HIPK2: variants seen among roughly 807,000 people sequenced by gnomAD.
HIPK2 encodes the protein homeodomain interacting protein kinase 2, also known as homeodomain-interacting protein kinase 2.
HIPK2 carries 27 observed loss-of-function variants against 113.7 expected under a neutral mutation model. The ratio of observed to expected loss-of-function variants is 0.24; its 90% CI spans 0.17 to 0.33. HIPK2 has a LOEUF of 0.33. HIPK2 is among the 10% of genes least tolerant of loss of function. HIPK2 has a pLI of 1.00. For missense variants in HIPK2, 1,257 were observed against 1,588.0 expected, an observed-to-expected ratio of 0.79 and a Z score of 3.54; for synonymous variants, 631 against 642.2, an observed-to-expected ratio of 0.98 and a Z score of 0.26.
At chr7:139,602,376 T>C (rs956636836) in intron 10 of HIPK2, among the ~76,000 whole-genome samples, 4 of 152,176 alleles carry the variant, frequency 2.6e-5, no homozygotes, top group Admixed American at 2.6e-4. Flanking sequence ...CAATAATAGA[T>C]GTTCTTTGGC....
Position 139,631,012 on chromosome 7 carries a change from G to T in HIPK2, c.1347+153C>A. ...TAGGCCAAGGGAAAGAGGGGCTTCT[G>T]AGCATTCAGATTCAGCCATACCATG... On this transcript the variant is annotated intron_variant, in intron 4 of 14. Transcript: ENST00000406875. This position sits in a 1 kb window ranked among gnomAD's most constrained non-coding sequence, Gnocchi z 4.9. 1 of 591,462 alleles carries T rather than the reference G, an allele frequency of 1.7e-6. No individual in the cohort carries two copies. Among genetic ancestry groups the T allele is most frequent in the Non-Finnish European group, 2.1e-6 (1 of 470,204 alleles). The allele number at this position is 591,462 out of a possible 1,614,324, so 36.6% of individuals were successfully genotyped here.
At position 139,653,098 on chromosome 7, in the gene HIPK2, C is replaced by G. The variant is rs1247260619; in HGVS notation, c.1104-21373G>C. ...AGGTTGCAGTGAGCCGAGATCACGC[C>G]ACTGCTACTCCAGCCTGGGTGACAG... On this transcript the variant is annotated intron_variant, in intron 2 of 14. Coordinates refer to ENST00000406875, the MANE Select transcript of HIPK2 (RefSeq NM_022740.5). 1.9e-4 allele frequency among the ~76,000 whole-genome samples: 8 copies of G among 41,754 alleles called. No homozygotes were observed. In the East Asian group the frequency reaches 2.4e-3, roughly 13 times the overall value. The allele number at this position is 41,754 out of a possible 152,430, so 27.4% of individuals were successfully genotyped here.
intron 1 of HIPK2, among the ~76,000 whole-genome samples, chr7:139,754,918 G>T (rs1244784116): frequency 6.6e-6 from 1 of 152,144 alleles, no homozygotes; most frequent in East Asian, 1.9e-4. Context: ...TCTGACTACA[G>T]CCTGGATGGT....
At position 139,588,545 on chromosome 7, in the gene HIPK2, A is replaced by G. The variant is rs549738562; in HGVS notation, c.2718-4481T>C. On this transcript the variant is annotated intron_variant, in intron 12 of 14. Coordinates refer to ENST00000406875, the MANE Select transcript of HIPK2 (RefSeq NM_022740.5). Reference sequence around the variant, plus strand: ...AAAAAAAAAAGATTGCTGTCTACCAATAACAACAAAAAAGAATATCTCGAA... The same window carrying G: ...AAAAAAAAAAGATTGCTGTCTACCAGTAACAACAAAAAAGAATATCTCGAA... 2.6e-5 allele frequency among the ~76,000 whole-genome samples: 4 copies of G among 152,092 alleles called. No individual in the cohort carries two copies. In the East Asian group the frequency reaches 7.7e-4, roughly 29 times the overall value.
chr7:139,699,984 C>T (rs1794662531), intron 2 of HIPK2, among the ~76,000 whole-genome samples: 1 of 152,226 alleles, frequency 6.6e-6, no homozygotes, highest in Non-Finnish European at 1.5e-5. Context: ...GTGGTGTCAG[C>T]ATCATCATTG....
intron 9 of HIPK2, among the ~76,000 whole-genome samples, chr7:139,608,081 A>G (rs1799683757): frequency 6.6e-6 from 1 of 151,892 alleles, no homozygotes; most frequent in African/African-American, 2.4e-5. Context: ...TCTACTAAAA[A>G]TACAAAAAAA....
At chr7:139,754,180 A>G (rs566417350) in intron 1 of HIPK2, among the ~76,000 whole-genome samples, 1 of 152,234 alleles carries the variant, frequency 6.6e-6, no homozygotes, top group Non-Finnish European at 1.5e-5. Flanking sequence ...TGGGAGGGCT[A>G]GAAAGAGGAG....
intron 1 of HIPK2, among the ~76,000 whole-genome samples, chr7:139,747,965 C>T (rs1796216214): frequency 3.3e-5 from 5 of 152,176 alleles, no homozygotes; most frequent in Non-Finnish European, 7.3e-5. Context: ...AGAGAGACAT[C>T]AGTACGGAAA....
Position 139,613,219 on chromosome 7 carries a change from G to C in HIPK2, c.2095C>G (p.Pro699Ala), listed in dbSNP as rs567186214. Residue 699 changes from proline to alanine, a missense_variant, in exon 9 of 15, where the codon CCA (proline) becomes GCA (alanine). By Grantham distance (27) the Pro-to-Ala change is conservative. Coordinates refer to ENST00000406875, the MANE Select transcript of HIPK2 (RefSeq NM_022740.5). The surrounding 1 kb of genome is among the most constrained non-coding windows in gnomAD (Gnocchi z 4.2). ...APGAQPLQIQ[P>A]GLLAQQAWPS... ...AGAATTACCTGGGCAAGCAGACCTG[G>C]TTGGATCTGAAGAGGCTGAGCTCCT... The C allele has an allele frequency of 6.2e-7, 1 of 1,613,878 alleles. No individual in the cohort carries two copies. Among genetic ancestry groups the C allele is most frequent in the South Asian group, 1.1e-5 (1 of 91,034 alleles).
rs1243481570 is a variant in HIPK2 at position 139,567,317 on chromosome 7, T to G, written c.*5610A>C. 1.3e-5 allele frequency: 2 copies of G among 152,074 alleles called. No individual in the cohort carries two copies. The highest frequency in any genetic ancestry group is 1.9e-4 in the East Asian group (1 of 5,184). The allele number at this position is 152,074 out of a possible 1,614,324, so 9.4% of individuals were successfully genotyped here. On this transcript the variant is annotated 3_prime_UTR_variant, in exon 15 of 15. Coordinates refer to ENST00000406875, the MANE Select transcript of HIPK2 (RefSeq NM_022740.5). ...AAGCCCACGTATTGGTATGGCACCT[T>G]GTCTCCCGATAGCAGCAGCATCGAA...
At chr7:139,744,803 C>G (rs905108306) in intron 1 of HIPK2, among the ~76,000 whole-genome samples, 1 of 152,176 alleles carries the variant, frequency 6.6e-6, no homozygotes, top group Non-Finnish European at 1.5e-5. Context: ...ACGTTCTGCT[C>G]GCTTCACCAC....
chr7:139,710,708 T>C (rs1356710752), intron 2 of HIPK2, among the ~76,000 whole-genome samples: 3 of 152,224 alleles, frequency 2.0e-5, no homozygotes, highest in Non-Finnish European at 2.9e-5. Flanking sequence ...TTTGGATCTG[T>C]GTCCCTACCC....
chr7:139,650,605 G>A (rs908155293), intron 2 of HIPK2, among the ~76,000 whole-genome samples: 2 of 152,098 alleles, frequency 1.3e-5, no homozygotes, highest in African/African-American at 4.8e-5. Context: ...CAACACCCTG[G>A]TGTGGTCTCC....
intron 2 of HIPK2, among the ~76,000 whole-genome samples, chr7:139,637,438 C>A (rs78548018): frequency 6.6e-6 from 1 of 152,208 alleles, no homozygotes; most frequent in Non-Finnish European, 1.5e-5. Context: ...GTACCTGGAG[C>A]TCCTTTGGAG....
chr7:139,746,592 CT>C (rs1375200945), intron 1 of HIPK2, among the ~76,000 whole-genome samples: 1 of 152,166 alleles, frequency 6.6e-6, no homozygotes, highest in African/African-American at 2.4e-5. Flanking sequence ...TTGATGTCCC[CT>C]GAGTCCCCAA....
intron 12 of HIPK2, among the ~76,000 whole-genome samples, chr7:139,589,865 A>G (rs1354525665): frequency 6.6e-6 from 1 of 152,256 alleles, no homozygotes; most frequent in African/African-American, 2.4e-5. Context: ...CTTAATGAGC[A>G]AATATGTACG....
chr7:139,736,363 T>C (rs1569483078), intron 1 of HIPK2, among the ~76,000 whole-genome samples: 1 of 152,182 alleles, frequency 6.6e-6, no homozygotes, highest in African/African-American at 2.4e-5. Flanking sequence ...CATGACCTGG[T>C]AGACAGAGGG....
In HIPK2 at chr7:139,662,747, G is replaced by T. The variant is rs1399292508; in HGVS notation, c.1104-31022C>A. Among the ~76,000 whole-genome samples, 3 of 151,232 alleles carry T rather than the reference G, an allele frequency of 2.0e-5. No individual in the cohort carries two copies. The South Asian group carries it at 6.2e-4, about 31-fold the overall frequency. Reference sequence around the variant, plus strand: ...CGTTACTCCTACCTCAGCCTTCAAAGTAGCTGGGATTACAGGTGCACGCCA... The same window carrying T: ...CGTTACTCCTACCTCAGCCTTCAAATTAGCTGGGATTACAGGTGCACGCCA... On this transcript the variant is annotated intron_variant, in intron 2 of 14. Coordinates refer to ENST00000406875, the MANE Select transcript of HIPK2 (RefSeq NM_022740.5).
At chr7:139,648,573 T>C (rs964206739) in intron 2 of HIPK2, among the ~76,000 whole-genome samples, 1 of 152,206 alleles carries the variant, frequency 6.6e-6, no homozygotes, top group Non-Finnish European at 1.5e-5. Context: ...ATAGCTTACA[T>C]GGGAGTGAGC....
Sources: gnomAD v4.1 joint callset for allele counts (sites outside exome capture counted in the v4.1 genomes callset) on GRCh38, gnomAD v4.1.1 for gene constraint, Gnocchi (gnomAD v3.1) non-coding constraint, MANE v1.5 for transcripts, NCBI Gene and HGNC (gene_info 2026-07-23, HGNC 2026-07-21) for gene names.